LVRN: variants seen among roughly 807,000 people sequenced by gnomAD.
LVRN encodes aminopeptidase Q.
In LVRN, 99 loss-of-function variants were observed where a neutral mutation model predicts 111.4. The observed-to-expected ratio is 0.89, with a 90% CI of 0.76 to 1.05. The LOEUF is 1.05. Ranked by LOEUF, LVRN falls within the 50% of genes least tolerant of loss-of-function variation. The pLI is 0.00. For missense variants in LVRN, 1,414 were observed against 1,206.8 expected (o/e 1.17, Z -2.54); for synonymous variants, 488 against 449.5 (o/e 1.09, Z -1.08).
chr5:116,002,174 GATAA>G (rs1748250115), intron 10 of LVRN, among the ~76,000 whole-genome samples: 2 of 152,196 alleles, frequency 1.3e-5, no homozygotes, highest in Non-Finnish European at 2.9e-5. Context: ...TAGCTATGCA[GATAA>G]ACACAGACCC....
At chr5:115,994,732 T>G (rs1030095211) in intron 6 of LVRN, among the ~76,000 whole-genome samples, 7 of 152,218 alleles carry the variant, frequency 4.6e-5, no homozygotes, top group African/African-American at 1.7e-4. Flanking sequence ...ATCTAATTCT[T>G]TCAACTGTAG....
intron 5 of LVRN, among the ~76,000 whole-genome samples, 162 bp from the exon 6 acceptor site, chr5:115,993,579 A>G (rs1392587489): frequency 1.3e-5 from 2 of 152,254 alleles, no homozygotes; most frequent in African/African-American, 4.8e-5. Flanking sequence ...TGTGAAAACA[A>G]CAACTTGCTT....
chr5:116,001,314 G>T (rs1297877491), intron 10 of LVRN, 75 bp downstream of exon 10: 1 of 1,512,260 alleles, frequency 6.6e-7, no homozygotes, highest in Non-Finnish European at 9.1e-7. Flanking sequence ...CAGCCTGTGG[G>T]TGAAGAAGCG....
At chr5:116,024,387 CA>C (rs369800875) in intron 19 of LVRN, among the ~76,000 whole-genome samples, 9 of 148,394 alleles carry the variant, frequency 6.1e-5, no homozygotes, top group South Asian at 2.1e-4. Context: ...TGATCCTAAG[CA>C]AAAAAAAAGG....
chr5:115,981,378 G>A lies in LVRN; in HGVS notation c.696-1909G>A, dbSNP rs184371089. On this transcript the variant is annotated intron_variant, in intron 1 of 19. Coordinates refer to ENST00000357872, the MANE Select transcript of LVRN (RefSeq NM_173800.5). ...TTCTAGCAGTTTCAAATTTACCAGG[G>A]CGACGAATATGACTCATGTTTAATC... Among the ~76,000 whole-genome samples the A allele has an allele frequency of 1.4e-3, 212 of 152,196 alleles. 3 individuals carry two copies. The highest frequency in any genetic ancestry group is 5.0e-3 in the African/African-American group (208 of 41,514).
chr5:115,980,229 T>C (rs1052331422), intron 1 of LVRN, among the ~76,000 whole-genome samples: 1 of 151,940 alleles, frequency 6.6e-6, no homozygotes, highest in Non-Finnish European at 1.5e-5. Context: ...AGTCAAAATA[T>C]CGTTACAGGG....
intron 15 of LVRN, among the ~76,000 whole-genome samples, chr5:116,014,135 C>A (rs1249299236): frequency 1.3e-5 from 2 of 151,952 alleles, no homozygotes; most frequent in African/African-American, 4.8e-5. Context: ...GTGTGTACAC[C>A]CATGTGTGTT....
At chr5:115,965,853 A>G (rs552198426) in intron 1 of LVRN, among the ~76,000 whole-genome samples, 89 of 152,254 alleles carry the variant, frequency 5.8e-4, no homozygotes, top group African/African-American at 2.1e-3. Flanking sequence ...CCAGCCATGC[A>G]GAACTGTGAG....
chr5:116,008,330 C>T (rs1051462298), intron 13 of LVRN, among the ~76,000 whole-genome samples: 3 of 151,904 alleles, frequency 2.0e-5, no homozygotes, highest in Non-Finnish European at 2.9e-5. Context: ...GGTGACAGAG[C>T]GAGACTCCGT....
Position 116,003,308 on chromosome 5 carries a change from T to C in LVRN, c.1965T>C (p.Thr655=), listed in dbSNP as rs1205990931. ...HDWVILNLNM[T]GYYRVNYDKL... is the part of the protein sequence containing the mutation. The stretch of plus-strand genomic sequence containing the variant: ...GGGTGATTTTGAATTTGAATATGAC[T>C]GGATATTATAGAGTTAATTATGATA... The change falls in exon 12 of 20, where the codon ACT becomes ACC. Residue 655 remains threonine, a synonymous_variant. Coordinates refer to ENST00000357872, the MANE Select transcript of LVRN (RefSeq NM_173800.5). 1 of 1,562,652 alleles carries C rather than the reference T, an allele frequency of 6.4e-7. No homozygotes were observed. The highest frequency in any genetic ancestry group is 8.7e-7 in the Non-Finnish European group (1 of 1,145,240).
chr5:116,011,620 C>T (rs976094360), intron 14 of LVRN, among the ~76,000 whole-genome samples: 2 of 152,126 alleles, frequency 1.3e-5, no homozygotes, highest in African/African-American at 2.4e-5. Flanking sequence ...ATCACAAATA[C>T]GTCTAACGGC....
chr5:115,973,079 C>T (rs1262498983), intron 1 of LVRN, among the ~76,000 whole-genome samples: 1 of 152,032 alleles, frequency 6.6e-6, no homozygotes, highest in African/African-American at 2.4e-5. Context: ...CAGACACATG[C>T]TGCCATGCCT....
rs1174218874 is a variant in LVRN at position 115,966,238 on chromosome 5, C to T, written c.695+2926C>T. Reference sequence around the variant, plus strand: ...GCACTCATACCACTCCTAATCATCTCTAACCCCTGACAACCACTAATCCGT... The same window carrying T: ...GCACTCATACCACTCCTAATCATCTTTAACCCCTGACAACCACTAATCCGT... On this transcript the variant is annotated intron_variant, in intron 1 of 19. Transcript: ENST00000357872. Among the ~76,000 whole-genome samples, 3 of 152,246 alleles carry T rather than the reference C, an allele frequency of 2.0e-5. No individual in the cohort carries two copies. In the South Asian group the frequency reaches 6.2e-4, roughly 31 times the overall value.
At chr5:115,993,650 T>C (rs972569863) in intron 5 of LVRN, 91 bp from the exon 6 acceptor site, 5 of 806,036 alleles carry the variant, frequency 6.2e-6, no homozygotes, top group Admixed American at 2.9e-5. Context: ...TTATGTCTTT[T>C]GACCTTACAT....
chr5:115,984,091 A>G (rs1378206646), intron 2 of LVRN, among the ~76,000 whole-genome samples: 3 of 152,166 alleles, frequency 2.0e-5, no homozygotes, highest in Non-Finnish European at 2.9e-5. Flanking sequence ...CCCATTTCAC[A>G]TCGAGTGCCT....
chr5:116,000,798 T>G, intron 9 of LVRN, 140 bp downstream of exon 9: 1 of 923,310 alleles, frequency 1.1e-6, no homozygotes, highest in East Asian at 2.6e-5. Context: ...TCATGGGTAG[T>G]GTCTTTAGTC....
intron 5 of LVRN, among the ~76,000 whole-genome samples, chr5:115,993,484 T>G (rs1748040327): frequency 6.6e-6 from 1 of 152,206 alleles, no homozygotes; most frequent in African/African-American, 2.4e-5. Flanking sequence ...ACCTTATGTT[T>G]AAACATTGCA....
intron 4 of LVRN, among the ~76,000 whole-genome samples, chr5:115,988,606 T>C (rs1272665138): frequency 6.6e-6 from 1 of 152,176 alleles, no homozygotes; most frequent in Non-Finnish European, 1.5e-5. Flanking sequence ...AGTTGAAGAC[T>C]TGGAAAAAGT....
chr5:116,012,473 G>C lies in LVRN; in HGVS notation c.2342+5G>C. On this transcript the variant is annotated splice_donor_5th_base_variant and intron_variant, in intron 15 of 19. Transcript: ENST00000357872. ...ACAAGATGACTACTTAGCTCTGTAA[G>C]TATGTTTTCAGAAGTGATAATTGAA... is the stretch of plus-strand genomic sequence containing the variant. 6.7e-7 allele frequency: 1 copy of C among 1,497,986 alleles called. No individual in the cohort carries two copies. Among genetic ancestry groups the C allele is most frequent in the Non-Finnish European group, 9.1e-7 (1 of 1,094,752 alleles). The allele number at this position is 1,497,986 out of a possible 1,614,324, so 92.8% of individuals were successfully genotyped here. A position where few individuals can be genotyped will look rare whatever the true frequency, so the allele number is the denominator to read the frequency against.
Sources: allele counts gnomAD v4.1 joint callset (sites outside exome capture counted in the v4.1 genomes callset), GRCh38; gene constraint gnomAD v4.1.1; transcripts MANE v1.5; gene names NCBI Gene and HGNC (gene_info 2026-07-23, HGNC 2026-07-21).